The following CCNB3 variants were observed in gnomAD, a reference collection of about 807,000 sequenced individuals.
CCNB3 encodes cyclin B3.
CCNB3 carries 12 observed loss-of-function variants against 68.0 expected under a neutral mutation model. The ratio of observed to expected loss-of-function variants is 0.18; its 90% CI spans 0.11 to 0.29. CCNB3 has a LOEUF of 0.29. Ranked by LOEUF, CCNB3 falls within the 10% of genes least tolerant of loss-of-function variation. The probability of loss-of-function intolerance (pLI) is 1.00; values close to 1 mark genes in which losing one functional copy is unlikely to be tolerated. For synonymous variants in CCNB3, 354 were observed against 388.9 expected (o/e 0.91, Z 1.06); for missense variants, 904 against 993.1 (o/e 0.91, Z 1.21).
chrX:50,211,620 C>T (rs1195599412), intron 1 of CCNB3, among the ~76,000 whole-genome samples: 1 of 111,286 alleles, frequency 9.0e-6, no homozygotes, highest in Admixed American at 9.5e-5. Flanking sequence ...GTTGATGCTG[C>T]AATGAGGAGT....
intron 4 of CCNB3, among the ~76,000 whole-genome samples, chrX:50,289,429 A>G (rs1203655759): frequency 1.3e-4 from 14 of 111,730 alleles, no homozygotes; most frequent in African/African-American, 4.6e-4. Context: ...GAAGATCTAG[A>G]AATTCAATTT....
At chrX:50,339,840 G>T (rs1427623290) in intron 8 of CCNB3, among the ~76,000 whole-genome samples, 1 of 110,840 alleles carries the variant, frequency 9.0e-6, no homozygotes, top group Non-Finnish European at 1.9e-5. Flanking sequence ...GATCTCACAA[G>T]AACTCACTAT....
intron 8 of CCNB3, among the ~76,000 whole-genome samples, chrX:50,334,643 C>G (rs1242104139): frequency 8.9e-6 from 1 of 112,450 alleles, no homozygotes; most frequent in African/African-American, 3.2e-5. Context: ...GCCATTTTTT[C>G]TCTTTCTGAC....
chrX:50,351,617 G>C lies in CCNB3; in HGVS notation c.4102G>C (p.Glu1368Gln), dbSNP rs782017042. ...CTCTTCCTTTTGCAGGGTCTTCTTT[G>C]AAGTCGCCAAAATCCCTGCCTTGGA... Reference protein sequence around the residue: ...YYKYSHPVFFEVAKIPALDML... With the variant: ...YYKYSHPVFFQVAKIPALDML... Residue 1368 changes from glutamate (E) to glutamine (Q), a missense_variant, in exon 13 of 13, where the codon GAA becomes CAA. Physicochemically the swap from Glu to Gln is conservative, Grantham distance 29. Around this residue, in one of 2 missense-constraint regions of CCNB3, gnomAD observed 285 missense variants for 383.4 expected, o/e 0.74. Transcript: ENST00000376042. 6.6e-6 allele frequency: 8 copies of C among 1,211,044 alleles called. No individual in the cohort carries two copies. The South Asian group carries it at 1.4e-4, about 21-fold the overall frequency.
chrX:50,297,889 A>G (rs2050514733), intron 5 of CCNB3, among the ~76,000 whole-genome samples: 1 of 111,447 alleles, frequency 9.0e-6, no homozygotes, highest in Admixed American at 9.6e-5. Context: ...TTCTCTTTGA[A>G]GCAATTGTGA....
rs187843256 is a variant in CCNB3, at chrX:50,330,199, G to C, written c.3517-12003G>C. On this transcript the variant is annotated intron_variant, in intron 8 of 12. Coordinates refer to ENST00000376042, the MANE Select transcript of CCNB3 (RefSeq NM_033031.3). Reference sequence around the variant, plus strand: ...TCGTGATCGATTGAGCAAGCAGTGGGTACATGACTTGGGGCTGCATACACC... The same window carrying C: ...TCGTGATCGATTGAGCAAGCAGTGGCTACATGACTTGGGGCTGCATACACC... 4.5e-3 allele frequency among the ~76,000 whole-genome samples: 501 copies of C among 111,865 alleles called. 11 individuals carry two copies. In the Admixed American group the frequency reaches 0.046, roughly 10 times the overall value.
chrX:50,328,891 T>G (rs996686207), intron 8 of CCNB3, among the ~76,000 whole-genome samples: 2 of 112,719 alleles, frequency 1.8e-5, no homozygotes, highest in Non-Finnish European at 3.7e-5. Context: ...CACATAAGTC[T>G]GAAACCCAGT....
At chrX:50,227,972 T>G (rs1368056786) in intron 1 of CCNB3, among the ~76,000 whole-genome samples, 17 of 85,208 alleles carry the variant, frequency 2.0e-4, no homozygotes, top group African/African-American at 3.6e-4. Context: ...TATAAATATA[T>G]AGAGAGAATA....
chrX:50,228,869 G>C (rs1211669816), intron 1 of CCNB3, among the ~76,000 whole-genome samples: 1 of 38,451 alleles, frequency 2.6e-5, no homozygotes, highest in Non-Finnish European at 4.6e-5. Context: ...GAATATATAT[G>C]TAGAATATAT....
chrX:50,337,840 G>T lies in CCNB3; in HGVS notation c.3517-4362G>T, dbSNP rs1324131764. ...ATCAAAACCAAAATCAGAGTATCAA[G>T]AAATCCCAGCCAGGTCAGAAACAAA... is the stretch of plus-strand genomic sequence containing the variant. On this transcript the variant is annotated intron_variant, in intron 8 of 12. Transcript: ENST00000376042. 4.5e-5 allele frequency among the ~76,000 whole-genome samples: 5 copies of T among 111,678 alleles called. No individual in the cohort carries two copies. In the South Asian group the frequency reaches 1.5e-3, roughly 34 times the overall value.
intron 8 of CCNB3, among the ~76,000 whole-genome samples, chrX:50,329,482 C>T (rs897806101): frequency 8.0e-5 from 9 of 112,693 alleles, no homozygotes; most frequent in Admixed American, 1.9e-4. Context: ...AGCAGCAGGC[C>T]TAAGTAACTG....
At chrX:50,228,705 A>G (rs1314321372) in intron 1 of CCNB3, among the ~76,000 whole-genome samples, 10 of 74,251 alleles carry the variant, frequency 1.3e-4, no homozygotes, top group Admixed American at 3.7e-4. Flanking sequence ...GAATATATAT[A>G]GAATATATAT....
intron 9 of CCNB3, among the ~76,000 whole-genome samples, chrX:50,343,960 C>T (rs1295112929): frequency 8.9e-6 from 1 of 111,941 alleles, no homozygotes; most frequent in Non-Finnish European, 1.9e-5. Context: ...ATGTCCCAGG[C>T]CTTCCATTCA....
At chrX:50,302,142 T>C (rs1557212775) in intron 5 of CCNB3, among the ~76,000 whole-genome samples, 2 of 112,377 alleles carry the variant, frequency 1.8e-5, no homozygotes, top group Non-Finnish European at 3.8e-5. Flanking sequence ...CCCACTGTCC[T>C]GCACCCACTG....
upstream of CCNB3, among the ~76,000 whole-genome samples, chrX:50,203,083 A>G (rs1164330949): frequency 8.9e-6 from 1 of 111,848 alleles, no homozygotes; most frequent in African/African-American, 3.3e-5. Context: ...ATATTGAGAT[A>G]TTAAACACAA....
At chrX:50,305,447 T>C (rs1936743285) in intron 5 of CCNB3, among the ~76,000 whole-genome samples, 1 of 110,617 alleles carries the variant, frequency 9.0e-6, no homozygotes, top group African/African-American at 3.3e-5. Flanking sequence ...TAGGTGGGAA[T>C]TGAACAATGA....
chrX:50,298,208 C>A lies in CCNB3; in HGVS notation c.335+3215C>A, dbSNP rs1389315753. Among the ~76,000 whole-genome samples the A allele has an allele frequency of 3.6e-5, 4 of 111,522 alleles. No individual in the cohort carries two copies. In the East Asian group the frequency reaches 1.1e-3, roughly 31 times the overall value. On this transcript the variant is annotated intron_variant, in intron 5 of 12. Coordinates refer to ENST00000376042, the MANE Select transcript of CCNB3 (RefSeq NM_033031.3). ...TGAGAGAGGGCATCCCTGTCTTGTG[C>A]CAGTTTTCAAAGGGAATGCTTCCAG...
chrX:50,335,312 A>T (rs1390144118), intron 8 of CCNB3, among the ~76,000 whole-genome samples: 1 of 111,987 alleles, frequency 8.9e-6, no homozygotes, highest in East Asian at 2.8e-4. Flanking sequence ...GCATCTTTTA[A>T]GTCCAGACAG....
At chrX:50,301,457 T>G (rs1222893621) in intron 5 of CCNB3, among the ~76,000 whole-genome samples, 2 of 111,847 alleles carry the variant, frequency 1.8e-5, no homozygotes, top group Non-Finnish European at 3.8e-5. Context: ...CAGATATTGG[T>G]GAACCGCAAA....
Sources: allele counts gnomAD v4.1 joint callset (sites outside exome capture counted in the v4.1 genomes callset), GRCh38; gene constraint gnomAD v4.1.1; regional missense constraint gnomAD v4.1.1; transcripts MANE v1.5; gene names NCBI Gene and HGNC (gene_info 2026-07-23, HGNC 2026-07-21).